ARHGEF26: variants seen among roughly 807,000 people sequenced by gnomAD.
The protein encoded by ARHGEF26 is Rho guanine nucleotide exchange factor (GEF) 26.
A neutral mutation model predicts 89.4 loss-of-function variants in ARHGEF26; 59 were observed. The ratio of observed to expected loss-of-function variants is 0.66; its 90% CI spans 0.54 to 0.82. The LOEUF (loss-of-function observed/expected upper bound fraction) is 0.82. ARHGEF26 is among the 40% of genes least tolerant of loss of function. ARHGEF26 has a pLI of 0.00. For missense variants in ARHGEF26, 1,234 were observed against 1,085.6 expected, an observed-to-expected ratio of 1.14 and a Z score of -1.92; for synonymous variants, 500 against 428.4, an observed-to-expected ratio of 1.17 and a Z score of -2.06.
At chr3:154,250,389 G>T (rs918279870) in intron 12 of ARHGEF26, among the ~76,000 whole-genome samples, 3 of 151,700 alleles carry the variant, frequency 2.0e-5, no homozygotes, top group Admixed American at 6.6e-5. Flanking sequence ...CTAAGAGGGG[G>T]GGGTGGGACT....
At chr3:154,241,232 T>C (rs1269757945) in intron 12 of ARHGEF26, among the ~76,000 whole-genome samples, 1 of 152,196 alleles carries the variant, frequency 6.6e-6, no homozygotes, top group Non-Finnish European at 1.5e-5. Flanking sequence ...GACTGACCAA[T>C]GTTTTTGTTT....
intron 7 of ARHGEF26, among the ~76,000 whole-genome samples, chr3:154,189,331 G>A (rs544669729): frequency 2.7e-4 from 37 of 138,852 alleles, no homozygotes; most frequent in African/African-American, 9.0e-4. Flanking sequence ...TGCAGTTGAT[G>A]TGATTTTTTT....
chr3:154,187,688 CT>C lies in ARHGEF26; in HGVS notation c.1494del (p.Phe498LeufsTer2). ...TTTTTTCCCTTTGGTTTTTCAGGTT[CT>C]TTATAGAGTTGGAAGCAAGACATCA... ...TDVCEASKKFFIELEARHQNN... is the reference protein window; with the variant it reads ...TDVCEASKKFXIELEARHQNN... On this transcript the variant is annotated frameshift_variant, in exon 7 of 15. Transcript: ENST00000465093. LOFTEE classifies it high-confidence loss of function. 1 of 1,596,286 alleles carries C rather than the reference CT, an allele frequency of 6.3e-7. No individual in the cohort carries two copies. Among genetic ancestry groups the C allele is most frequent in the Non-Finnish European group, 8.5e-7 (1 of 1,171,156 alleles).
chr3:154,229,948 A>G (rs1219207076), intron 11 of ARHGEF26, among the ~76,000 whole-genome samples: 1 of 152,206 alleles, frequency 6.6e-6, no homozygotes, highest in African/African-American at 2.4e-5. Context: ...CCTACTGATA[A>G]CTTATTATAA....
In ARHGEF26 at chr3:154,254,823, T is replaced by C. The variant is rs773736010; in HGVS notation, c.2472T>C (p.Asp824=). 2.5e-6 allele frequency: 4 copies of C among 1,613,262 alleles called. No homozygotes were observed. In the East Asian group the frequency reaches 6.7e-5, roughly 27 times the overall value. ...TCCTCATCTATCAACGTGTCAGCGA[T>C]GGTGAGTGGGAGCGTTCTTATGGGA... is the stretch of plus-strand genomic sequence containing the variant. ...DVVLIYQRVS[D]GWYEGERLRD... is the part of the protein sequence containing the mutation. Residue 824 remains aspartate (D), a splice_region_variant and synonymous_variant, in exon 14 of 15, where the codon GAT becomes GAC. Coordinates refer to ENST00000465093, the MANE Select transcript of ARHGEF26 (RefSeq NM_015595.4).
At chr3:154,121,817 C>T (rs1717942273) in intron 1 of ARHGEF26, 125 bp from the exon 2 acceptor site, 3 of 826,542 alleles carry the variant, frequency 3.6e-6, no homozygotes, top group Non-Finnish European at 5.3e-6. Context: ...CGAGAAAGGG[C>T]GGGTAAGTGC....
intron 12 of ARHGEF26, among the ~76,000 whole-genome samples, chr3:154,244,825 T>G (rs1717699060): frequency 6.6e-6 from 1 of 152,126 alleles, no homozygotes; most frequent in Admixed American, 6.5e-5. Flanking sequence ...GAATCTGGCC[T>G]TCCTGACAGT....
In ARHGEF26 at chr3:154,255,332, C is replaced by T. The variant is rs1177632017; in HGVS notation, c.2475C>T (p.Gly825=). 3 of 1,611,508 alleles carry T rather than the reference C, an allele frequency of 1.9e-6. No homozygotes were observed. Among genetic ancestry groups the T allele is most frequent in the Admixed American group, 1.7e-5 (1 of 59,780 alleles). Residue 825 remains glycine (G), a splice_region_variant and synonymous_variant, in exon 15 of 15, where the codon GGC becomes GGT. Transcript: ENST00000465093. ...TGTGGACTCTGTTCTTTTTCACAGGCTGGTATGAGGGGGAACGACTACGAG... is the reference window on the plus strand; with the variant it reads ...TGTGGACTCTGTTCTTTTTCACAGGTTGGTATGAGGGGGAACGACTACGAG... The part of the protein sequence containing the change: ...VVLIYQRVSD[G]WYEGERLRDG...
intron 11 of ARHGEF26, among the ~76,000 whole-genome samples, chr3:154,226,387 G>A (rs1039483048): frequency 1.3e-5 from 2 of 152,120 alleles, no homozygotes; most frequent in Admixed American, 6.5e-5. Context: ...TTGAGAACAG[G>A]TTGGGGAGCA....
intron 6 of ARHGEF26, among the ~76,000 whole-genome samples, chr3:154,181,003 G>T (rs1479959084): frequency 6.6e-6 from 1 of 152,140 alleles, no homozygotes; most frequent in African/African-American, 2.4e-5. Context: ...CTGCATGTAG[G>T]CAGAGTGCCA....
chr3:154,220,751 A>G (rs1029589188), intron 10 of ARHGEF26, among the ~76,000 whole-genome samples: 2 of 152,204 alleles, frequency 1.3e-5, no homozygotes, highest in African/African-American at 4.8e-5. Flanking sequence ...AACTTCAGCA[A>G]TGGGGAAAGG....
At chr3:154,165,768 C>G (rs572904600) in intron 6 of ARHGEF26, among the ~76,000 whole-genome samples, 1 of 152,296 alleles carries the variant, frequency 6.6e-6, no homozygotes, top group East Asian at 1.9e-4. Flanking sequence ...ACTAAATAAT[C>G]TAAAACCAGG....
At chr3:154,188,093 A>G (rs1210677205) in intron 7 of ARHGEF26, among the ~76,000 whole-genome samples, 15 of 152,066 alleles carry the variant, frequency 9.9e-5, no homozygotes, top group Admixed American at 9.8e-4. Context: ...CGTTGTTTTT[A>G]ATTGTTGCAG....
chr3:154,224,072 A>C lies in ARHGEF26; in HGVS notation c.1936-1784A>C, dbSNP rs571938184. 1.5e-4 allele frequency among the ~76,000 whole-genome samples: 23 copies of C among 152,228 alleles called. 1 individual carries two copies. The South Asian group carries it at 4.6e-3, about 30-fold the overall frequency. ...TACTATTTAGGATATATCTTTGTTC[A>C]TGAATTTCTTTTCTAGTTTCTGGTT... On this transcript the variant is annotated intron_variant, in intron 10 of 14. Coordinates refer to ENST00000465093, the MANE Select transcript of ARHGEF26 (RefSeq NM_015595.4).
chr3:154,239,560 C>T (rs902237118), intron 11 of ARHGEF26, among the ~76,000 whole-genome samples: 2 of 152,010 alleles, frequency 1.3e-5, no homozygotes, highest in Non-Finnish European at 2.9e-5. Flanking sequence ...ACGCCTTGTT[C>T]TCTAGGGAGA....
In ARHGEF26 at chr3:154,124,579, G is replaced by A; in HGVS notation, c.1123+130G>A. ...GTCCAACTTCTTCTCAAATTATACA[G>A]TCCAAAGCTTCTCACTAAGCTAAAT... On this transcript the variant is annotated intron_variant, in intron 3 of 14. Transcript: ENST00000465093. The A allele has an allele frequency of 3.7e-6, 3 of 808,396 alleles. No individual in the cohort carries two copies. The South Asian group carries it at 6.6e-5, about 18-fold the overall frequency. 50.1% of individuals were successfully genotyped at this position (808,396 alleles called of 1,614,324 possible). A position where few individuals can be genotyped will look rare whatever the true frequency, so the allele number is the denominator to read the frequency against.
chr3:154,121,759 C>G (rs893979445), intron 1 of ARHGEF26, among the ~76,000 whole-genome samples, 183 bp from the exon 2 acceptor site: 1 of 152,156 alleles, frequency 6.6e-6, no homozygotes, highest in Admixed American at 6.5e-5. Flanking sequence ...TGGGCGGCAG[C>G]CCAGATTTCT....
At chr3:154,135,423 T>A (rs1464914742) in intron 4 of ARHGEF26, among the ~76,000 whole-genome samples, 1 of 152,176 alleles carries the variant, frequency 6.6e-6, no homozygotes, top group Non-Finnish European at 1.5e-5. Flanking sequence ...AGTGGTAATA[T>A]CCCCCTTGTC....
At chr3:154,165,459 G>T (rs966871803) in intron 6 of ARHGEF26, among the ~76,000 whole-genome samples, 2 of 152,068 alleles carry the variant, frequency 1.3e-5, no homozygotes, top group African/African-American at 4.8e-5. Flanking sequence ...ACTAAGATAC[G>T]TTTTCTCTGC....
Sources: gnomAD v4.1 joint callset for allele counts (sites outside exome capture counted in the v4.1 genomes callset) on GRCh38, gnomAD v4.1.1 for gene constraint, MANE v1.5 for transcripts, NCBI Gene and HGNC (gene_info 2026-07-23, HGNC 2026-07-21) for gene names.